Variants in EFHC1 observed in about 807,000 individuals in gnomAD.
EFHC1 encodes EF-hand domain containing 1.
A neutral mutation model predicts 69.9 loss-of-function variants in EFHC1; 53 were observed. The observed-to-expected ratio is 0.76, with a 90% CI of 0.61 to 0.95. EFHC1 has a LOEUF of 0.95. Among genes scored for constraint, EFHC1 ranks in the 40% least tolerant of loss-of-function variants. The probability of loss-of-function intolerance (pLI) is 0.00; values close to 1 mark genes in which losing one functional copy is unlikely to be tolerated. For missense variants in EFHC1, 739 were observed against 798.7 expected (o/e 0.93, Z 0.90); for synonymous variants, 256 against 278.4 (o/e 0.92, Z 0.80).
intron 2 of EFHC1, 138 bp downstream of exon 2, chr6:52,424,305 A>G (rs1764258189): frequency 1.2e-6 from 1 of 829,472 alleles, no homozygotes. Context: ...ACCCTTAGTC[A>G]TGGACAGCTG....
Position 52,495,747 on chromosome 6 carries a change from T to C in EFHC1, c.*3406T>C, listed in dbSNP as rs6919266. ...AGGCCTGTAGTCTCAGAGGGAACTG[T>C]CTTCAATAAAGTTGGCACTGTCCAC... On this transcript the variant is annotated 3_prime_UTR_variant, in exon 11 of 11. Coordinates refer to ENST00000371068, the MANE Select transcript of EFHC1 (RefSeq NM_018100.4). The C allele has an allele frequency of 0.39, 145,171 of 373,292 alleles. 30,367 individuals carry two copies. Among genetic ancestry groups the C allele is most frequent in the Non-Finnish European group, 0.46 (87,709 of 190,886 alleles). 23.1% of individuals were successfully genotyped at this position (373,292 alleles called of 1,614,324 possible).
chr6:52,453,178 A>G (rs1445303669), intron 4 of EFHC1: 1 of 1,326,620 alleles, frequency 7.5e-7, no homozygotes, highest in African/African-American at 1.5e-5. Context: ...AATTTCATAG[A>G]CTCCTTTGTG....
In EFHC1 at chr6:52,494,789, A is replaced by G; in HGVS notation, c.*2448A>G. 1 of 451,806 alleles carries G rather than the reference A, an allele frequency of 2.2e-6. No homozygotes were observed. Among genetic ancestry groups the G allele is most frequent in the South Asian group, 1.6e-5 (1 of 64,310 alleles). The allele number at this position is 451,806 out of a possible 1,614,324, so 28.0% of individuals were successfully genotyped here. A position where few individuals can be genotyped will look rare whatever the true frequency, so the allele number is the denominator to read the frequency against. On this transcript the variant is annotated 3_prime_UTR_variant, in exon 11 of 11. Transcript: ENST00000371068. ...TTAGCTCCCACTTAGAAGTAAGAAC[A>G]TGCAATATTTGGTTTCCTATTCCTG...
intron 5 of EFHC1, among the ~76,000 whole-genome samples, chr6:52,454,696 A>C (rs1413521324): frequency 6.6e-6 from 1 of 152,150 alleles, no homozygotes; most frequent in Non-Finnish European, 1.5e-5. Flanking sequence ...CTAAACAGGA[A>C]GTTTCTATGT....
Position 52,479,180 on chromosome 6 carries a change from A to G in EFHC1, c.1422A>G (p.Lys474=). ...GKYLGRTKVV[K]PYSTVDNPVY... is the part of the protein sequence containing the mutation. The stretch of plus-strand genomic sequence containing the variant: ...ACCTTGGCAGGACTAAAGTTGTTAA[A>G]CCATACTCTACAGTGGACAACCCTG... The change falls in exon 8 of 11, where the codon AAA becomes AAG. Residue 474 remains lysine, a synonymous_variant. Transcript: ENST00000371068. The G allele has an allele frequency of 8.1e-6, 13 of 1,614,090 alleles. No homozygotes were observed. The highest frequency in any genetic ancestry group is 1.1e-5 in the Non-Finnish European group (13 of 1,179,992).
chr6:52,473,780 T>A (rs190193252), intron 7 of EFHC1, among the ~76,000 whole-genome samples: 8 of 152,126 alleles, frequency 5.3e-5, no homozygotes, highest in African/African-American at 1.9e-4. Context: ...AGGCTCTGTC[T>A]CCTTAATTAA....
intron 7 of EFHC1, 78 bp from the exon 8 acceptor site, chr6:52,478,959 G>A (rs894427578): frequency 9.2e-6 from 12 of 1,299,886 alleles, no homozygotes; most frequent in Non-Finnish European, 1.3e-5. Context: ...CCTATACCTG[G>A]CCCCTATAGG....
At position 52,423,279 on chromosome 6, in the gene EFHC1, C is replaced by T. The variant is rs144875838; in HGVS notation, c.64-667C>T. On this transcript the variant is annotated intron_variant, in intron 1 of 10. Coordinates refer to ENST00000371068, the MANE Select transcript of EFHC1 (RefSeq NM_018100.4). ...TATCTTCTAGGTTCTACAGTTTTTACGGCCCCAGATATCAGATGAAAAACA... is the reference window on the plus strand; with the variant it reads ...TATCTTCTAGGTTCTACAGTTTTTATGGCCCCAGATATCAGATGAAAAACA... 4.9e-4 allele frequency among the ~76,000 whole-genome samples: 75 copies of T among 152,226 alleles called. 1 individual carries two copies. The highest frequency in any genetic ancestry group is 1.5e-3 in the East Asian group (8 of 5,188).
rs1765975009 is a variant in EFHC1 at position 52,493,799 on chromosome 6, T to C, written c.*1458T>C. 1 of 454,142 alleles carries C rather than the reference T, an allele frequency of 2.2e-6. No individual in the cohort carries two copies. Among genetic ancestry groups the C allele is most frequent in the Non-Finnish European group, 4.4e-6 (1 of 226,794 alleles). The allele number at this position is 454,142 out of a possible 1,614,324, so 28.1% of individuals were successfully genotyped here. On this transcript the variant is annotated 3_prime_UTR_variant, in exon 11 of 11. Coordinates refer to ENST00000371068, the MANE Select transcript of EFHC1 (RefSeq NM_018100.4). ...CTTCTCTTTGGTTGAAGTCAGCCAC[T>C]AAGTTCATCTTTAAACATGCTATCT...
At chr6:52,492,156 A>G in intron 10 of EFHC1, 114 bp from the exon 11 acceptor site, 1 of 924,076 alleles carries the variant, frequency 1.1e-6, no homozygotes, top group Non-Finnish European at 1.7e-6. Context: ...AGGATACAAA[A>G]ATTCTGAACT....
intron 2 of EFHC1, among the ~76,000 whole-genome samples, chr6:52,427,192 G>A (rs1419282073): frequency 6.6e-6 from 1 of 152,074 alleles, no homozygotes; most frequent in Admixed American, 6.5e-5. Context: ...TTGAAAATCA[G>A]ATTATGTCAC....
In EFHC1 at chr6:52,469,852, T is replaced by G. The variant is rs528542423; in HGVS notation, c.1278+379T>G. 6.2e-4 allele frequency among the ~76,000 whole-genome samples: 95 copies of G among 152,316 alleles called. 2 individuals carry two copies. In the South Asian group the frequency reaches 0.015, roughly 24 times the overall value. ...TTCTTTGAGGTTAGGGACCATGTCT[T>G]AGTAAGTTTTGCGTTTATCTGTGAT... On this transcript the variant is annotated intron_variant, in intron 7 of 10. Transcript: ENST00000371068.
chr6:52,479,613 C>T (rs890697301), intron 8 of EFHC1, 27 bp from the exon 9 acceptor site: 14 of 1,614,160 alleles, frequency 8.7e-6, no homozygotes, highest in African/African-American at 1.3e-5. Context: ...CATCACCAAG[C>T]TAAGTGTGTT....
At chr6:52,440,716 T>C (rs528181139) in intron 3 of EFHC1, among the ~76,000 whole-genome samples, 1 of 152,144 alleles carries the variant, frequency 6.6e-6, no homozygotes, top group Non-Finnish European at 1.5e-5. Context: ...ACTACACTGC[T>C]TTCTACAATG....
intron 7 of EFHC1, among the ~76,000 whole-genome samples, chr6:52,472,829 G>A (rs1390609584): frequency 6.6e-6 from 1 of 151,674 alleles, no homozygotes; most frequent in Non-Finnish European, 1.5e-5. Flanking sequence ...ATATCTTTTA[G>A]GTGTTACATA....
chr6:52,445,275 TG>T (rs1764755407), intron 3 of EFHC1, among the ~76,000 whole-genome samples: 1 of 151,198 alleles, frequency 6.6e-6, no homozygotes, highest in Admixed American at 6.6e-5. Context: ...TTTTTTTTTT[TG>T]GTTTTTTAAT....
In EFHC1 at chr6:52,493,986, G is replaced by A. The variant is rs1403143617; in HGVS notation, c.*1645G>A. ...CCAGCTTATTGAAAGGGCTGTGAAT[G>A]TATTATGTTGATTCCTTTTCTGTTC... On this transcript the variant is annotated 3_prime_UTR_variant, in exon 11 of 11. Transcript: ENST00000371068. 2.2e-6 allele frequency: 1 copy of A among 453,962 alleles called. No homozygotes were observed. Among genetic ancestry groups the A allele is most frequent in the Non-Finnish European group, 4.4e-6 (1 of 226,802 alleles). The allele number at this position is 453,962 out of a possible 1,614,324, so 28.1% of individuals were successfully genotyped here.
chr6:52,423,562 T>C (rs894289743), intron 1 of EFHC1: 6 of 436,404 alleles, frequency 1.4e-5, no homozygotes, highest in Non-Finnish European at 2.4e-5. Context: ...AGTGCAGTGG[T>C]TCAATCATAG....
In EFHC1 at chr6:52,493,801, A is replaced by G. The variant is rs1438605847; in HGVS notation, c.*1460A>G. Reference sequence around the variant, plus strand: ...TCTCTTTGGTTGAAGTCAGCCACTAAGTTCATCTTTAAACATGCTATCTCA... The same window carrying G: ...TCTCTTTGGTTGAAGTCAGCCACTAGGTTCATCTTTAAACATGCTATCTCA... On this transcript the variant is annotated 3_prime_UTR_variant, in exon 11 of 11. Transcript: ENST00000371068. 3 of 453,970 alleles carry G rather than the reference A, an allele frequency of 6.6e-6. No homozygotes were observed. The highest frequency in any genetic ancestry group is 8.8e-6 in the Non-Finnish European group (2 of 226,800). The allele number at this position is 453,970 out of a possible 1,614,324, so 28.1% of individuals were successfully genotyped here.
Sources: allele counts gnomAD v4.1 joint callset (sites outside exome capture counted in the v4.1 genomes callset), GRCh38; gene constraint gnomAD v4.1.1; transcripts MANE v1.5; gene names NCBI Gene and HGNC (gene_info 2026-07-23, HGNC 2026-07-21).